The following SPSB4 variants were observed in gnomAD, a reference collection of about 807,000 sequenced individuals.
SPSB4 encodes SPRY domain-containing SOCS box protein 4.
SPSB4 carries 21 observed loss-of-function variants against 20.9 expected under a neutral mutation model. The ratio of observed to expected loss-of-function variants is 1.01; its 90% CI spans 0.71 to 1.45. The LOEUF (loss-of-function observed/expected upper bound fraction) is 1.45. Ranked by LOEUF, SPSB4 falls within the 40% of genes most tolerant of loss-of-function variation. The pLI is 0.00. For synonymous variants in SPSB4, 207 were observed against 183.8 expected (o/e 1.13, Z -1.02); for missense variants, 399 against 399.2 (o/e 1.00, Z 0.00).
At chr3:141,138,213 A>T (rs892464236) in intron 2 of SPSB4, among the ~76,000 whole-genome samples, 1 of 151,222 alleles carries the variant, frequency 6.6e-6, no homozygotes, top group Non-Finnish European at 1.5e-5. Context: ...CATCTATTTG[A>T]TTCTTCTCTC....
chr3:141,078,544 C>A, intron 2 of SPSB4, among the ~76,000 whole-genome samples: 1 of 152,148 alleles, frequency 6.6e-6, no homozygotes, highest in East Asian at 1.9e-4. Flanking sequence ...CTTGGGGGAC[C>A]TGAAGATCCT....
chr3:141,074,788 G>A (rs1461278463), intron 2 of SPSB4, among the ~76,000 whole-genome samples: 3 of 152,208 alleles, frequency 2.0e-5, no homozygotes, highest in South Asian at 2.1e-4. Context: ...GAGGGCCGGC[G>A]TCCACCTCTG....
At chr3:141,097,309 G>C (rs1230159380) in intron 2 of SPSB4, among the ~76,000 whole-genome samples, 2 of 152,218 alleles carry the variant, frequency 1.3e-5, no homozygotes, top group Non-Finnish European at 2.9e-5. Flanking sequence ...AGCTTCACTA[G>C]ACCCAGGGAT....
chr3:141,053,204 C>G (rs573395882), intron 1 of SPSB4, among the ~76,000 whole-genome samples: 1 of 151,638 alleles, frequency 6.6e-6, no homozygotes, highest in Non-Finnish European at 1.5e-5. Context: ...CCTCCCACCC[C>G]CTTTCTGGCC....
chr3:141,140,415 T>G (rs1939305408), intron 2 of SPSB4, among the ~76,000 whole-genome samples: 1 of 152,254 alleles, frequency 6.6e-6, no homozygotes, highest in Non-Finnish European at 1.5e-5. Context: ...CTCTGAGTTT[T>G]AGAGTTTCCA....
intron 2 of SPSB4, among the ~76,000 whole-genome samples, chr3:141,139,879 C>G (rs571629107): frequency 1.3e-5 from 2 of 152,262 alleles, no homozygotes; most frequent in Non-Finnish European, 2.9e-5. Context: ...GAATGTTGGC[C>G]TGCCTTGCTA....
rs558872924 is a variant in SPSB4, at chr3:141,128,481, A to C, written c.695-18661A>C. On this transcript the variant is annotated intron_variant, in intron 2 of 2. Transcript: ENST00000310546. ...CCACACAGGAAGGGGGATTTCTCAC[A>C]AACAGAAGGTGGGTGTGGAGCTTTG... 3.3e-5 allele frequency among the ~76,000 whole-genome samples: 5 copies of C among 152,206 alleles called. No homozygotes were observed. The East Asian group carries it at 9.7e-4, about 30-fold the overall frequency.
chr3:141,062,223 G>C (rs549733183), intron 1 of SPSB4, among the ~76,000 whole-genome samples: 11 of 152,224 alleles, frequency 7.2e-5, no homozygotes, highest in Non-Finnish European at 1.5e-4. Flanking sequence ...CTCATGATTA[G>C]AGTGAGGTTA....
intron 2 of SPSB4, among the ~76,000 whole-genome samples, chr3:141,125,060 G>A (rs1418074602): frequency 2.0e-5 from 3 of 152,078 alleles, no homozygotes; most frequent in African/African-American, 7.2e-5. Context: ...GTTGAATTGA[G>A]GCATGTAGTG....
chr3:141,063,592 TAATC>T (rs556087265), intron 1 of SPSB4, among the ~76,000 whole-genome samples: 41 of 152,352 alleles, frequency 2.7e-4, no homozygotes, highest in Non-Finnish European at 4.7e-4. Context: ...CCTTCTGAAA[TAATC>T]AATCACAAAA....
chr3:141,140,355 A>G (rs1939304326), intron 2 of SPSB4, among the ~76,000 whole-genome samples: 3 of 152,094 alleles, frequency 2.0e-5, no homozygotes. Flanking sequence ...TTCTCCATCC[A>G]GCTTTGTTCC....
intron 2 of SPSB4, among the ~76,000 whole-genome samples, chr3:141,086,920 A>G (rs897457565): frequency 7.9e-5 from 12 of 152,180 alleles, no homozygotes; most frequent in Non-Finnish European, 1.3e-4. Context: ...GGAAGCTGAG[A>G]GTTGATCTCC....
intron 2 of SPSB4, among the ~76,000 whole-genome samples, chr3:141,101,723 C>T (rs1286229511): frequency 6.6e-6 from 1 of 152,168 alleles, no homozygotes; most frequent in East Asian, 1.9e-4. Context: ...TAAATTCTTT[C>T]CCACGTATTA....
rs564965899 is a variant in SPSB4 at position 141,069,189 on chromosome 3, A to T, written c.694+2391A>T. On this transcript the variant is annotated intron_variant, in intron 2 of 2. Transcript: ENST00000310546. Reference sequence around the variant, plus strand: ...GTTCTGTATCTCAGACAGGGGTGTGACTGCAGAAAAGGGAAGCTCAGCTTC... The same window carrying T: ...GTTCTGTATCTCAGACAGGGGTGTGTCTGCAGAAAAGGGAAGCTCAGCTTC... Among the ~76,000 whole-genome samples, 119 of 152,252 alleles carry T rather than the reference A, an allele frequency of 7.8e-4. 1 individual carries two copies. The highest frequency in any genetic ancestry group is 2.8e-3 in the African/African-American group (115 of 41,540).
At chr3:141,141,168 A>G (rs1036180990) in intron 2 of SPSB4, among the ~76,000 whole-genome samples, 15 of 152,222 alleles carry the variant, frequency 9.9e-5, no homozygotes, top group Non-Finnish European at 1.8e-4. Context: ...CCGTTTGTTT[A>G]AGGCGTTGGA....
intron 2 of SPSB4, among the ~76,000 whole-genome samples, chr3:141,102,981 C>T (rs751947608): frequency 6.6e-6 from 1 of 152,178 alleles, no homozygotes; most frequent in Non-Finnish European, 1.5e-5. Context: ...AGAGGATTTC[C>T]TGCAGCCCAA....
At chr3:141,105,283 G>A (rs1938670419) in intron 2 of SPSB4, among the ~76,000 whole-genome samples, 1 of 152,212 alleles carries the variant, frequency 6.6e-6, no homozygotes, top group South Asian at 2.1e-4. Context: ...CATCCGCCTT[G>A]TGCAGTAAGC....
intron 2 of SPSB4, among the ~76,000 whole-genome samples, chr3:141,119,681 T>A (rs1018800227): frequency 4.9e-4 from 75 of 152,352 alleles, no homozygotes; most frequent in African/African-American, 1.7e-3. Context: ...TCTTCTAGAT[T>A]TTCTAGTTTA....
chr3:141,100,547 CCTTGAT>C (rs1938599752), intron 2 of SPSB4, among the ~76,000 whole-genome samples: 1 of 152,208 alleles, frequency 6.6e-6, no homozygotes, highest in Admixed American at 6.5e-5. Flanking sequence ...CCTGTAGACA[CCTTGAT>C]CTTGGGCTTC....
Sources: gnomAD v4.1 joint callset for allele counts (sites outside exome capture counted in the v4.1 genomes callset) on GRCh38, gnomAD v4.1.1 for gene constraint, MANE v1.5 for transcripts, NCBI Gene and HGNC (gene_info 2026-07-23, HGNC 2026-07-21) for gene names.